The following TFB2M variants were observed in gnomAD, a reference collection of about 807,000 sequenced individuals.
TFB2M encodes transcription factor B2, mitochondrial.
Under a neutral mutation model 41.3 loss-of-function variants are expected in TFB2M, and 44 were observed. The observed-to-expected ratio is 1.07, with a 90% confidence interval of 0.84 to 1.37. The LOEUF is 1.37. TFB2M is among the 40% of genes most tolerant of loss of function. The probability of loss-of-function intolerance (pLI) is 0.00; values close to 1 mark genes in which losing one functional copy is unlikely to be tolerated. For missense variants in TFB2M, 496 were observed against 490.2 expected, an observed-to-expected ratio of 1.01 and a Z score of -0.11; for synonymous variants, 188 against 176.8, an observed-to-expected ratio of 1.06 and a Z score of -0.50.
intron 2 of TFB2M, among the ~76,000 whole-genome samples, chr1:246,561,195 A>G (rs1479552947): frequency 2.0e-5 from 3 of 152,252 alleles, no homozygotes; most frequent in Non-Finnish European, 2.9e-5. Flanking sequence ...TCAATTTATC[A>G]TAACAATGGT....
intron 2 of TFB2M, 77 bp downstream of exon 2, chr1:246,564,269 T>C: frequency 8.0e-7 from 1 of 1,242,940 alleles, no homozygotes; most frequent in South Asian, 1.3e-5. Context: ...AAACACTGTG[T>C]GCTTAATTCC....
intron 5 of TFB2M, 108 bp downstream of exon 5, chr1:246,551,105 T>C: frequency 3.7e-6 from 3 of 819,862 alleles, no homozygotes; most frequent in South Asian, 3.0e-5. Context: ...AGTCCAGTAG[T>C]TCAAGGCTGC....
chr1:246,563,585 CAA>C (rs1354631655), intron 2 of TFB2M, among the ~76,000 whole-genome samples: 3 of 146,390 alleles, frequency 2.0e-5, no homozygotes, highest in African/African-American at 7.6e-5. Context: ...GCCTGGGTGA[CAA>C]GAGAGAAACT....
In TFB2M at chr1:246,553,573, TG is replaced by T. The variant is rs542677106; in HGVS notation, c.706-2272del. Among the ~76,000 whole-genome samples the T allele has an allele frequency of 1.4e-4, 21 of 151,642 alleles. No homozygotes were observed. In the East Asian group the frequency reaches 4.1e-3, roughly 30 times the overall value. ...GTCCCACCTACTGGGGAGGTTGAGG[TG>T]GAAGCATCACCTGAGCCTGGGAGGT... On this transcript the variant is annotated intron_variant, in intron 4 of 7. Coordinates refer to ENST00000366514, the MANE Select transcript of TFB2M (RefSeq NM_022366.3).
At chr1:246,564,599 T>A (rs1267061813) in intron 1 of TFB2M, among the ~76,000 whole-genome samples, 165 bp from the exon 2 acceptor site, 1 of 152,168 alleles carries the variant, frequency 6.6e-6, no homozygotes, top group Admixed American at 6.5e-5. Context: ...AACAGGAGAT[T>A]ATATATACTT....
rs1372687255 is a variant in TFB2M, at chr1:246,546,966, T to TAC, written c.858+1577_858+1578dup. Reference sequence around the variant, plus strand: ...CCCTAAAAGTTTATATATGTATATATACACACACACACACACATTTTTTTT... The same window carrying TAC: ...CCCTAAAAGTTTATATATGTATATATACACACACACACACACACATTTTTTTT... On this transcript the variant is annotated intron_variant, in intron 6 of 7. Coordinates refer to ENST00000366514, the MANE Select transcript of TFB2M (RefSeq NM_022366.3). Among the ~76,000 whole-genome samples, 226 of 132,308 alleles carry TAC rather than the reference T, an allele frequency of 1.7e-3. 2 individuals are homozygous for TAC. Among genetic ancestry groups the TAC allele is most frequent in the African/African-American group, 5.7e-3 (205 of 35,774 alleles). 86.8% of individuals were successfully genotyped at this position (132,308 alleles called of 152,430 possible). A position where few individuals can be genotyped will look rare whatever the true frequency, so the allele number is the denominator to read the frequency against.
At chr1:246,564,539 T>C in intron 1 of TFB2M, 105 bp from the exon 2 acceptor site, 1 of 974,462 alleles carries the variant, frequency 1.0e-6, no homozygotes, top group Non-Finnish European at 1.6e-6. Flanking sequence ...GGTTTTTAAA[T>C]CTGACAGCAT....
intron 1 of TFB2M, 65 bp from the exon 2 acceptor site, chr1:246,564,499 T>C (rs973055690): frequency 2.2e-5 from 32 of 1,430,922 alleles, no homozygotes; most frequent in Non-Finnish European, 3.0e-5. Flanking sequence ...AATACCAAAC[T>C]TTCATTAGAT....
At chr1:246,563,714 TTTTG>T (rs769554764) in intron 2 of TFB2M, among the ~76,000 whole-genome samples, 8 of 152,204 alleles carry the variant, frequency 5.3e-5, no homozygotes, top group Non-Finnish European at 1.0e-4. Context: ...TGTACACAAA[TTTTG>T]TTTAATGCAC....
chr1:246,564,302 T>C (rs763119799), intron 2 of TFB2M, 44 bp downstream of exon 2: 4 of 1,545,112 alleles, frequency 2.6e-6, no homozygotes, highest in Non-Finnish European at 2.7e-6. Flanking sequence ...CACTCACAGA[T>C]AGTTGAACAA....
At chr1:246,561,741 T>C (rs1470061959) in intron 2 of TFB2M, among the ~76,000 whole-genome samples, 1 of 152,228 alleles carries the variant, frequency 6.6e-6, no homozygotes, top group African/African-American at 2.4e-5. Flanking sequence ...AGTGCTGGGA[T>C]TACAGGCATG....
chr1:246,561,019 T>C (rs1014451243), intron 2 of TFB2M, among the ~76,000 whole-genome samples: 6 of 152,192 alleles, frequency 3.9e-5, no homozygotes, highest in African/African-American at 1.2e-4. Context: ...CTGAAACTCC[T>C]TTCAGTTTTC....
chr1:246,554,552 C>A (rs969039917), intron 4 of TFB2M, among the ~76,000 whole-genome samples: 3 of 152,178 alleles, frequency 2.0e-5, no homozygotes, highest in African/African-American at 7.2e-5. Context: ...GATGATCTGT[C>A]ACTATCTCCT....
chr1:246,563,521 T>A (rs1329385463), intron 2 of TFB2M, among the ~76,000 whole-genome samples: 1 of 151,780 alleles, frequency 6.6e-6, no homozygotes, highest in East Asian at 1.9e-4. Context: ...GGAGAATCGC[T>A]TAAACTTGGG....
chr1:246,556,010 C>T (rs150881654), intron 4 of TFB2M, among the ~76,000 whole-genome samples: 7 of 152,170 alleles, frequency 4.6e-5, no homozygotes, highest in Non-Finnish European at 1.0e-4. Context: ...AAACTGGTCT[C>T]GAACTCCTGA....
intron 6 of TFB2M, among the ~76,000 whole-genome samples, chr1:246,545,032 C>G (rs887492158): frequency 6.7e-6 from 1 of 149,088 alleles, no homozygotes; most frequent in Non-Finnish European, 1.5e-5. Flanking sequence ...GTCTCGATCT[C>G]CTGACCTCGT....
intron 4 of TFB2M, among the ~76,000 whole-genome samples, chr1:246,555,458 C>T (rs1334646768): frequency 3.3e-5 from 5 of 152,046 alleles, no homozygotes; most frequent in Non-Finnish European, 7.4e-5. Flanking sequence ...TGGCTGCAGT[C>T]CCAGCTTGGG....
intron 2 of TFB2M, among the ~76,000 whole-genome samples, chr1:246,562,249 T>C (rs1363484841): frequency 6.6e-6 from 1 of 152,186 alleles, no homozygotes; most frequent in Non-Finnish European, 1.5e-5. Flanking sequence ...TAGAGAAATA[T>C]AAGTTTCCTA....
At chr1:246,551,767 CA>C (rs1659191626) in intron 4 of TFB2M, among the ~76,000 whole-genome samples, 1 of 152,226 alleles carries the variant, frequency 6.6e-6, no homozygotes, top group African/African-American at 2.4e-5. Flanking sequence ...AGGCACTCCG[CA>C]GACAAGAAAC....
Sources: allele counts gnomAD v4.1 joint callset (sites outside exome capture counted in the v4.1 genomes callset), GRCh38; gene constraint gnomAD v4.1.1; transcripts MANE v1.5; gene names NCBI Gene and HGNC (gene_info 2026-07-23, HGNC 2026-07-21).